The following KCNN2 variants were observed in gnomAD, a reference collection of about 807,000 sequenced individuals.
KCNN2 encodes small conductance calcium-activated potassium channel protein 2.
KCNN2 carries 24 observed loss-of-function variants against 55.5 expected under a neutral mutation model. The observed-to-expected ratio is 0.43, with a 90% confidence interval of 0.31 to 0.61. The LOEUF is 0.61. Among genes scored for constraint, KCNN2 ranks in the 20% least tolerant of loss-of-function variants. The probability of loss-of-function intolerance (pLI) is 0.08; values close to 1 mark genes in which losing one functional copy is unlikely to be tolerated. For missense variants in KCNN2, 754 were observed against 853.6 expected (o/e 0.88, Z 1.45); for synonymous variants, 431 against 336.1 (o/e 1.28, Z -3.09).
At chr5:114,140,762 C>CATTATTATTATTATTATT (rs61070958) in intron 1 of KCNN2, among the ~76,000 whole-genome samples, 1 of 139,916 alleles carries the variant, frequency 7.1e-6, no homozygotes, top group East Asian at 2.1e-4. Flanking sequence ...CTGTCATCCT[C>CATTATTATTATTATTATT]ATTATTATTA....
intron 2 of KCNN2, among the ~76,000 whole-genome samples, chr5:114,314,236 T>G (rs1756456922): frequency 6.6e-6 from 1 of 152,130 alleles, no homozygotes; most frequent in South Asian, 2.1e-4. Flanking sequence ...AGTTCCTATA[T>G]ATCACTTCCC....
chr5:114,274,830 T>C (rs1755450349), intron 2 of KCNN2, among the ~76,000 whole-genome samples: 1 of 152,180 alleles, frequency 6.6e-6, no homozygotes, highest in Non-Finnish European at 1.5e-5. Context: ...CCTTTATTGC[T>C]TTCTCTTGCC....
intron 3 of KCNN2, among the ~76,000 whole-genome samples, chr5:114,405,069 G>A (rs1393364042): frequency 6.6e-6 from 1 of 152,096 alleles, no homozygotes; most frequent in African/African-American, 2.4e-5. Context: ...TTTCTAATTT[G>A]ATCAGTTTTC....
chr5:114,288,343 T>C (rs1326456487), intron 2 of KCNN2, among the ~76,000 whole-genome samples: 1 of 152,328 alleles, frequency 6.6e-6, no homozygotes, highest in South Asian at 2.1e-4. Flanking sequence ...TTTAAGTATA[T>C]ACTCAGTAGT....
intron 2 of KCNN2, among the ~76,000 whole-genome samples, chr5:114,275,224 G>A (rs1161811517): frequency 1.3e-5 from 2 of 152,190 alleles, no homozygotes; most frequent in Non-Finnish European, 2.9e-5. Context: ...TGTGCTGCTG[G>A]ATCCAGTTTG....
At chr5:114,148,855 C>T (rs10078772) in intron 1 of KCNN2, among the ~76,000 whole-genome samples, 124,919 of 152,008 alleles carry the variant, frequency 0.82, 52,251 homozygotes, top group East Asian at 0.95. Flanking sequence ...GTCAGCTACT[C>T]GAGGTACAGG....
Position 114,363,004 on chromosome 5 carries a change from A to G in KCNN2, c.865A>G (p.Asn289Asp). 1 of 1,597,154 alleles carries G rather than the reference A, an allele frequency of 6.3e-7. No individual in the cohort carries two copies. The highest frequency in any genetic ancestry group is 8.5e-7 in the Non-Finnish European group (1 of 1,175,658). Residue 289 changes from asparagine to aspartate, a missense_variant, in exon 1 of 8, where the codon AAC (asparagine) becomes GAC (aspartate). Around this residue, in one of 4 missense-constraint regions of KCNN2, gnomAD observed 381 missense variants for 259.1 expected, o/e 1.47. Transcript: ENST00000673685. The stretch of plus-strand genomic sequence containing the variant: ...GTCTAAGCCCGAGCACAACAACTCC[A>G]ACAACCTGGCGCTCTATGGAACCGG... ...VVSKPEHNNSNNLALYGTGGG... is the reference protein window; with the variant it reads ...VVSKPEHNNSDNLALYGTGGG...
intron 2 of KCNN2, among the ~76,000 whole-genome samples, chr5:114,300,511 A>G (rs1756132770): frequency 6.6e-6 from 1 of 152,244 alleles, no homozygotes; most frequent in Non-Finnish European, 1.5e-5. Flanking sequence ...TAAGGAAAAG[A>G]TAGATTAAGT....
At chr5:114,292,571 A>G (rs2150018448) in intron 2 of KCNN2, among the ~76,000 whole-genome samples, 1 of 152,316 alleles carries the variant, frequency 6.6e-6, no homozygotes, top group Non-Finnish European at 1.5e-5. Flanking sequence ...TGGTACCAGT[A>G]CCATGCTATT....
chr5:114,316,317 C>G (rs149134678), intron 2 of KCNN2, among the ~76,000 whole-genome samples: 1 of 152,152 alleles, frequency 6.6e-6, no homozygotes, highest in Non-Finnish European at 1.5e-5. Context: ...AAACTATTCT[C>G]TTAGAATCAA....
intron 2 of KCNN2, among the ~76,000 whole-genome samples, chr5:114,236,810 A>G (rs1754504647): frequency 6.6e-6 from 1 of 152,166 alleles, no homozygotes; most frequent in African/African-American, 2.4e-5. Flanking sequence ...ACACACATAT[A>G]TATACACATA....
Position 114,272,342 on chromosome 5 carries a change from A to G in KCNN2, c.-185+50777A>G, listed in dbSNP as rs1375608388. ...TATATGTATGTACATATACACACAT[A>G]TATGTATGTACATACCATATACACA... On this transcript the variant is annotated intron_variant, in intron 2 of 10. Coordinates refer to the KCNN2 transcript ENST00000512097. 4.3e-5 allele frequency among the ~76,000 whole-genome samples: 3 copies of G among 70,474 alleles called. No homozygotes were observed. The East Asian group carries it at 1.5e-3, about 36-fold the overall frequency. 46.2% of individuals were successfully genotyped at this position (70,474 alleles called of 152,430 possible).
At chr5:114,448,936 G>A (rs772268788) in intron 3 of KCNN2, among the ~76,000 whole-genome samples, 2 of 152,158 alleles carry the variant, frequency 1.3e-5, no homozygotes, top group Non-Finnish European at 2.9e-5. Flanking sequence ...CTAAACAGAA[G>A]CCCTGTCAAA....
intron 2 of KCNN2, among the ~76,000 whole-genome samples, chr5:114,234,093 A>G (rs1357351956): frequency 6.6e-6 from 1 of 150,656 alleles, no homozygotes; most frequent in African/African-American, 2.4e-5. Context: ...CTAGTTATTT[A>G]TAACAGTCTC....
At chr5:114,084,242 G>A (rs1561468336) in intron 1 of KCNN2, among the ~76,000 whole-genome samples, 2 of 151,938 alleles carry the variant, frequency 1.3e-5, no homozygotes, top group African/African-American at 2.4e-5. Flanking sequence ...TTTAGCTTTG[G>A]AAAAAAACTG....
chr5:114,356,221 A>T (rs191331227), intron 2 of KCNN2, among the ~76,000 whole-genome samples: 21 of 152,278 alleles, frequency 1.4e-4, no homozygotes, highest in Admixed American at 4.6e-4. Flanking sequence ...TGCATTTCAG[A>T]TATTTTCGTT....
chr5:114,313,017 T>C (rs912205473), intron 2 of KCNN2, among the ~76,000 whole-genome samples: 13 of 152,142 alleles, frequency 8.5e-5, no homozygotes, highest in African/African-American at 3.1e-4. Flanking sequence ...TGGAACCTTG[T>C]TTTGATCTCT....
intron 2 of KCNN2, among the ~76,000 whole-genome samples, chr5:114,375,193 A>G (rs1370762855): frequency 1.3e-5 from 2 of 152,154 alleles, no homozygotes. Context: ...AAGGGAAACT[A>G]TGCCCTAGCT....
chr5:114,486,736 G>T, intron 5 of KCNN2: 1 of 1,297,560 alleles, frequency 7.7e-7, no homozygotes, highest in Non-Finnish European at 1.0e-6. Context: ...GCAATACACG[G>T]TGGAGAACTC....
Sources: allele counts gnomAD v4.1 joint callset (sites outside exome capture counted in the v4.1 genomes callset), GRCh38; gene constraint gnomAD v4.1.1; regional missense constraint gnomAD v4.1.1; transcripts MANE v1.5; gene names NCBI Gene and HGNC (gene_info 2026-07-23, HGNC 2026-07-21).